The following ARHGAP10 variants were observed in gnomAD, a reference collection of about 807,000 sequenced individuals.
The protein encoded by ARHGAP10 is Rho GTPase activating protein 10, also known as rho GTPase-activating protein 10.
A neutral mutation model predicts 108.6 loss-of-function variants in ARHGAP10; 87 were observed. That is an observed-to-expected ratio of 0.80 (90% CI 0.67 to 0.96). ARHGAP10 has a LOEUF of 0.96. Among genes scored for constraint, ARHGAP10 ranks in the 40% least tolerant of loss-of-function variants. The probability of loss-of-function intolerance (pLI) is 0.00; values close to 1 mark genes in which losing one functional copy is unlikely to be tolerated. For synonymous variants in ARHGAP10, 347 were observed against 341.1 expected, an observed-to-expected ratio of 1.02 and a Z score of -0.19; for missense variants, 939 against 954.5, an observed-to-expected ratio of 0.98 and a Z score of 0.21.
intron 20 of ARHGAP10, among the ~76,000 whole-genome samples, chr4:148,052,596 G>A (rs1729195634): frequency 6.6e-6 from 1 of 151,986 alleles, no homozygotes; most frequent in African/African-American, 2.4e-5. Context: ...GCTTTACTCT[G>A]TTTACTTGTA....
chr4:147,943,249 T>C (rs1057150091), intron 14 of ARHGAP10, among the ~76,000 whole-genome samples: 1 of 152,182 alleles, frequency 6.6e-6, no homozygotes, highest in Non-Finnish European at 1.5e-5. Flanking sequence ...AGTGGTTAAT[T>C]CTAAATCTGA....
intron 18 of ARHGAP10, among the ~76,000 whole-genome samples, chr4:148,017,682 A>ATATATATATATATATG (rs1437383455): frequency 4.9e-4 from 66 of 135,242 alleles, no homozygotes; most frequent in Non-Finnish European, 6.7e-4. Context: ...ATATATATAT[A>ATATATATATATATATG]TGTGTGTGTA....
chr4:148,014,766 A>G (rs907085486), intron 18 of ARHGAP10, among the ~76,000 whole-genome samples: 1 of 147,854 alleles, frequency 6.8e-6, no homozygotes, highest in East Asian at 1.9e-4. Context: ...TCTGCTATGC[A>G]TCACTATTTA....
At chr4:147,771,503 T>G (rs1730080838) in intron 1 of ARHGAP10, among the ~76,000 whole-genome samples, 1 of 152,200 alleles carries the variant, frequency 6.6e-6, no homozygotes, top group Admixed American at 6.5e-5. Flanking sequence ...TATGATTATT[T>G]TTGACTATAG....
At chr4:147,758,364 AT>A (rs2126701745) in intron 1 of ARHGAP10, among the ~76,000 whole-genome samples, 1 of 152,328 alleles carries the variant, frequency 6.6e-6, no homozygotes, top group East Asian at 1.9e-4. Flanking sequence ...TTATTGAGAT[AT>A]AATTCACACA....
At chr4:147,913,216 C>A (rs1736827976) in intron 13 of ARHGAP10, 77 bp downstream of exon 13, 1 of 1,314,426 alleles carries the variant, frequency 7.6e-7, no homozygotes, top group Non-Finnish European at 1.1e-6. Context: ...ATACTTCTTG[C>A]TTTTAAGTGT....
chr4:147,946,099 A>G (rs553466940), intron 14 of ARHGAP10: 2 of 152,422 alleles, frequency 1.3e-5, no homozygotes, highest in Non-Finnish European at 2.9e-5. Context: ...TACCGTGGGC[A>G]TGTATAGGCA....
At chr4:147,749,859 A>G (rs551863956) in intron 1 of ARHGAP10, among the ~76,000 whole-genome samples, 2 of 152,318 alleles carry the variant, frequency 1.3e-5, no homozygotes, top group South Asian at 2.1e-4. Flanking sequence ...GGCTTAATTG[A>G]TACTGTCTAA....
chr4:147,918,275 A>C (rs185711551), intron 13 of ARHGAP10, among the ~76,000 whole-genome samples: 2,623 of 151,506 alleles, frequency 0.017, 42 homozygotes, highest in Non-Finnish European at 0.027. Flanking sequence ...AGCTGGGACT[A>C]CAGGTGCCCG....
At chr4:148,032,883 G>A (rs374343855) in intron 19 of ARHGAP10, among the ~76,000 whole-genome samples, 113 of 152,234 alleles carry the variant, frequency 7.4e-4, no homozygotes, top group African/African-American at 2.6e-3. Context: ...GAAAGATGAC[G>A]GCTGTGGAAG....
chr4:147,970,875 G>A (rs1481941910), intron 18 of ARHGAP10, among the ~76,000 whole-genome samples: 1 of 152,092 alleles, frequency 6.6e-6, no homozygotes, highest in African/African-American at 2.4e-5. Context: ...ATCACCTGAG[G>A]TCAGGAGTTC....
intron 1 of ARHGAP10, among the ~76,000 whole-genome samples, chr4:147,778,401 C>T (rs921370647): frequency 6.6e-6 from 1 of 152,122 alleles, no homozygotes; most frequent in Non-Finnish European, 1.5e-5. Context: ...CCGAGATCTG[C>T]CATGACATGA....
intron 6 of ARHGAP10, 74 bp downstream of exon 6, chr4:147,865,030 T>A: frequency 7.5e-7 from 1 of 1,328,298 alleles, no homozygotes; most frequent in Non-Finnish European, 1.1e-6. Context: ...AGATCTGATT[T>A]ATGGTTTATA....
intron 10 of ARHGAP10, among the ~76,000 whole-genome samples, chr4:147,884,321 C>T (rs868655994): frequency 6.6e-5 from 10 of 152,096 alleles, no homozygotes; most frequent in Admixed American, 2.6e-4. Flanking sequence ...CTTACACATA[C>T]GAAGGATAAT....
At chr4:147,964,560 C>T (rs891860418) in intron 16 of ARHGAP10, among the ~76,000 whole-genome samples, 6 of 152,268 alleles carry the variant, frequency 3.9e-5, no homozygotes, top group African/African-American at 9.6e-5. Context: ...AGCCACACTG[C>T]GAGTTCTAAG....
At position 147,996,631 on chromosome 4, in the gene ARHGAP10, A is replaced by G. The variant is rs1332314126; in HGVS notation, c.1717-26632A>G. Among the ~76,000 whole-genome samples the G allele has an allele frequency of 2.0e-5, 3 of 152,222 alleles. No individual in the cohort carries two copies. In the East Asian group the frequency reaches 5.8e-4, roughly 29 times the overall value. ...AATGAGGGCAATGACCAGGCTGCAT[A>G]GATGCCTGGCTGAATCCTCATCCTC... On this transcript the variant is annotated intron_variant, in intron 18 of 22. Coordinates refer to ENST00000336498, the MANE Select transcript of ARHGAP10 (RefSeq NM_024605.4).
intron 10 of ARHGAP10, among the ~76,000 whole-genome samples, chr4:147,886,913 AGT>A (rs1339432238): frequency 1.3e-5 from 2 of 152,064 alleles, no homozygotes; most frequent in African/African-American, 4.8e-5. Flanking sequence ...TGGGACTACA[AGT>A]GTGTGCCACT....
At chr4:147,815,141 G>A (rs1449406842) in intron 1 of ARHGAP10, among the ~76,000 whole-genome samples, 1 of 152,126 alleles carries the variant, frequency 6.6e-6, no homozygotes, top group African/African-American at 2.4e-5. Context: ...ATCAGGACAG[G>A]AGCCTCCTAA....
At position 147,864,545 on chromosome 4, in the gene ARHGAP10, G is replaced by T. The variant is rs534743712; in HGVS notation, c.487-301G>T. The T allele has an allele frequency of 1.7e-5, 4 of 228,882 alleles. No homozygotes were observed. The East Asian group carries it at 4.2e-4, about 24-fold the overall frequency. The allele number at this position is 228,882 out of a possible 1,614,324, so 14.2% of individuals were successfully genotyped here. Reference sequence around the variant, plus strand: ...TCCCTTTGATCTTCAGTTCTTGGGGGTCAACTTCAACAAACAGAGTAGGAG... The same window carrying T: ...TCCCTTTGATCTTCAGTTCTTGGGGTTCAACTTCAACAAACAGAGTAGGAG... On this transcript the variant is annotated intron_variant, in intron 5 of 22. Transcript: ENST00000336498.
Sources: gnomAD v4.1 joint callset for allele counts (sites outside exome capture counted in the v4.1 genomes callset) on GRCh38, gnomAD v4.1.1 for gene constraint, MANE v1.5 for transcripts, NCBI Gene and HGNC (gene_info 2026-07-23, HGNC 2026-07-21) for gene names.